TBC1D22A: variants seen among roughly 807,000 people sequenced by gnomAD.
TBC1D22A encodes the protein putative GTPase activator.
A neutral mutation model predicts 60.2 loss-of-function variants in TBC1D22A; 38 were observed. That is an observed-to-expected ratio of 0.63 (90% CI 0.49 to 0.83). The LOEUF (loss-of-function observed/expected upper bound fraction) is 0.83, where lower values mean the gene tolerates loss of function less well. TBC1D22A is among the 40% of genes least tolerant of loss of function. The pLI is 0.00. For missense variants in TBC1D22A, 628 were observed against 701.0 expected (o/e 0.90, Z 1.18); for synonymous variants, 302 against 281.7 (o/e 1.07, Z -0.72).
At chr22:47,104,995 T>A (rs2065578916) in intron 11 of TBC1D22A, among the ~76,000 whole-genome samples, 1 of 152,028 alleles carries the variant, frequency 6.6e-6, no homozygotes, top group Non-Finnish European at 1.5e-5. Flanking sequence ...GTCTCATGAC[T>A]CCCTAAAATG....
At chr22:46,882,359 T>C (rs1191232968) in intron 5 of TBC1D22A, among the ~76,000 whole-genome samples, 1 of 152,088 alleles carries the variant, frequency 6.6e-6, no homozygotes, top group African/African-American at 2.4e-5. Context: ...ATTATCACCT[T>C]TGGAGCTCAG....
intron 12 of TBC1D22A, among the ~76,000 whole-genome samples, chr22:47,115,617 G>A (rs1233424959): frequency 1.3e-5 from 2 of 152,186 alleles, no homozygotes; most frequent in Admixed American, 1.3e-4. Flanking sequence ...AGAGGACACT[G>A]GGGCCCAGCA....
intron 5 of TBC1D22A, among the ~76,000 whole-genome samples, chr22:46,884,734 A>C (rs2068026825): frequency 6.6e-6 from 1 of 152,250 alleles, no homozygotes; most frequent in Admixed American, 6.5e-5. Context: ...ATGGGTGGGC[A>C]GGATTGGCTG....
chr22:47,006,523 C>T (rs547162214), intron 10 of TBC1D22A, among the ~76,000 whole-genome samples: 10 of 152,358 alleles, frequency 6.6e-5, no homozygotes, highest in African/African-American at 2.4e-4. Flanking sequence ...TGTGAGCCTG[C>T]GTCCACAGCA....
intron 1 of TBC1D22A, among the ~76,000 whole-genome samples, chr22:46,773,107 C>T (rs1192315680): frequency 2.0e-5 from 3 of 152,236 alleles, no homozygotes; most frequent in African/African-American, 7.2e-5. Context: ...GACACCTGCC[C>T]CTCCTTTCCT....
chr22:46,928,358 G>A (rs1265053607), intron 8 of TBC1D22A, among the ~76,000 whole-genome samples: 4 of 152,314 alleles, frequency 2.6e-5, no homozygotes, highest in Non-Finnish European at 4.4e-5. Flanking sequence ...GTCCTGGGAC[G>A]GTTATTAGAC....
At chr22:46,901,887 T>A (rs2069020979) in intron 7 of TBC1D22A, among the ~76,000 whole-genome samples, 1 of 152,260 alleles carries the variant, frequency 6.6e-6, no homozygotes, top group Admixed American at 6.5e-5. Context: ...TATACCGTGA[T>A]GTCACATTGC....
chr22:46,957,581 T>C lies in TBC1D22A; in HGVS notation c.1016-16709T>C, dbSNP rs564437541. On this transcript the variant is annotated intron_variant, in intron 8 of 12. Transcript: ENST00000337137. ...CTCCCTGAACACGTGGGGATTACAA[T>C]TGGAGATGAGACTTGGGTGGGGGCA... 1.1e-4 allele frequency among the ~76,000 whole-genome samples: 16 copies of C among 152,272 alleles called. No homozygotes were observed. The South Asian group carries it at 1.2e-3, about 12-fold the overall frequency.
intron 1 of TBC1D22A, among the ~76,000 whole-genome samples, chr22:46,782,203 C>T (rs534814488): frequency 7.9e-5 from 12 of 152,328 alleles, no homozygotes; most frequent in African/African-American, 2.2e-4. Flanking sequence ...TACAGGCGTG[C>T]ACCATCACAC....
At chr22:46,941,468 A>G (rs1228211705) in intron 8 of TBC1D22A, among the ~76,000 whole-genome samples, 2 of 131,922 alleles carry the variant, frequency 1.5e-5, no homozygotes, top group African/African-American at 2.7e-5. Flanking sequence ...ATATATATAC[A>G]CGGAATATAT....
chr22:47,135,996 GT>G (rs1232545996), intron 12 of TBC1D22A, among the ~76,000 whole-genome samples: 20 of 152,262 alleles, frequency 1.3e-4, no homozygotes, highest in African/African-American at 4.3e-4. Context: ...TGAGGAGGCA[GT>G]GCTAGTTGCT....
At chr22:46,799,483 A>T (rs926566599) in intron 4 of TBC1D22A, among the ~76,000 whole-genome samples, 2 of 152,220 alleles carry the variant, frequency 1.3e-5, no homozygotes, top group Admixed American at 1.3e-4. Context: ...AGGAAATTTA[A>T]CGTTGACACA....
intron 12 of TBC1D22A, among the ~76,000 whole-genome samples, chr22:47,171,871 C>T (rs912933609): frequency 3.3e-5 from 5 of 152,100 alleles, no homozygotes; most frequent in East Asian, 3.9e-4. Flanking sequence ...TGGAGACAGT[C>T]GCCCATGTGT....
intron 11 of TBC1D22A, among the ~76,000 whole-genome samples, chr22:47,086,835 C>G (rs561902811): frequency 1.8e-4 from 28 of 152,276 alleles, no homozygotes; most frequent in African/African-American, 5.8e-4. Flanking sequence ...TATGCCTGGA[C>G]AACTGTTGGC....
At chr22:46,991,123 C>A (rs1602855123) in intron 9 of TBC1D22A, among the ~76,000 whole-genome samples, 2 of 152,126 alleles carry the variant, frequency 1.3e-5, no homozygotes, top group South Asian at 4.1e-4. Context: ...ACCGCCTGTG[C>A]CCTTGTGATG....
At chr22:47,134,158 C>T (rs761326860) in intron 12 of TBC1D22A, among the ~76,000 whole-genome samples, 3 of 152,248 alleles carry the variant, frequency 2.0e-5, no homozygotes, top group Non-Finnish European at 2.9e-5. Flanking sequence ...AAAAAAGTTA[C>T]ACCCCCATTC....
chr22:47,040,210 G>T (rs2062796594), intron 11 of TBC1D22A, among the ~76,000 whole-genome samples: 1 of 152,118 alleles, frequency 6.6e-6, no homozygotes, highest in Non-Finnish European at 1.5e-5. Flanking sequence ...CTCCCAAAGT[G>T]CTGGGATTAC....
rs1183466938 is a variant in TBC1D22A at position 47,076,380 on chromosome 22, TAC to T, written c.1330-35100_1330-35099del. On this transcript the variant is annotated intron_variant, in intron 11 of 12. Coordinates refer to ENST00000337137, the MANE Select transcript of TBC1D22A (RefSeq NM_014346.5). ...GTGTGTGTATATATATATATATATA[TAC>T]ACACACACACACACACACACACACA... Among the ~76,000 whole-genome samples the T allele has an allele frequency of 7.2e-3, 894 of 124,390 alleles. 6 individuals carry two copies. Among genetic ancestry groups the T allele is most frequent in the Non-Finnish European group, 8.9e-3 (539 of 60,412 alleles). 81.6% of individuals were successfully genotyped at this position (124,390 alleles called of 152,430 possible).
At chr22:47,104,648 T>TCG (rs2065554945) in intron 11 of TBC1D22A, among the ~76,000 whole-genome samples, 1 of 145,188 alleles carries the variant, frequency 6.9e-6, no homozygotes, top group Non-Finnish European at 1.5e-5. Flanking sequence ...TGAACTGAGA[T>TCG]CACACCATTG....
Sources: allele counts gnomAD v4.1 joint callset (sites outside exome capture counted in the v4.1 genomes callset), GRCh38; gene constraint gnomAD v4.1.1; transcripts MANE v1.5; gene names NCBI Gene and HGNC (gene_info 2026-07-23, HGNC 2026-07-21).